Variants in COMMD10 observed in about 807,000 individuals in gnomAD.
COMMD10 encodes the protein COMM domain-containing protein 10.
In COMMD10, 33 loss-of-function variants were observed where a neutral mutation model predicts 28.9. That is an observed-to-expected ratio of 1.14 (90% CI 0.87 to 1.53). The LOEUF is 1.53. Among genes scored for constraint, COMMD10 ranks in the 40% most tolerant of loss-of-function variants. The pLI, the probability that COMMD10 is intolerant of heterozygous loss-of-function variation, is 0.00. For missense variants in COMMD10, 310 were observed against 233.4 expected (o/e 1.33, Z -2.14); for synonymous variants, 110 against 81.7 (o/e 1.35, Z -1.87).
intron 5 of COMMD10, among the ~76,000 whole-genome samples, chr5:116,151,232 T>C (rs1752516211): frequency 6.6e-6 from 1 of 151,674 alleles, no homozygotes; most frequent in Non-Finnish European, 1.5e-5. Context: ...GTGGATAAGC[T>C]TTTTGATGTG....
chr5:116,122,832 C>T (rs1031822609), intron 4 of COMMD10, among the ~76,000 whole-genome samples: 5 of 152,110 alleles, frequency 3.3e-5, no homozygotes, highest in Non-Finnish European at 7.3e-5. Flanking sequence ...GATTTTGTAT[C>T]CTGAGACTTT....
chr5:116,241,583 CTTATTTATTTAT>C lies in COMMD10; in HGVS notation c.511-49899_511-49888del, dbSNP rs61328599. Among the ~76,000 whole-genome samples the C allele has an allele frequency of 1.3e-3, 179 of 140,504 alleles. 1 individual carries two copies. Among genetic ancestry groups the C allele is most frequent in the East Asian group, 4.2e-3 (20 of 4,742 alleles). The allele number at this position is 140,504 out of a possible 152,430, so 92.2% of individuals were successfully genotyped here. On this transcript the variant is annotated intron_variant, in intron 5 of 6. Transcript: ENST00000274458. ...TCTCTATCCTCTTACACTCTGCTTT[CTTATTTATTTAT>C]TTATTTATTTATTTATTTATTTATT...
intron 5 of COMMD10, among the ~76,000 whole-genome samples, chr5:116,146,017 G>T (rs537801681): frequency 6.6e-6 from 1 of 151,968 alleles, no homozygotes; most frequent in African/African-American, 2.4e-5. Flanking sequence ...TTATAGAGGA[G>T]CCTCAAATAG....
At chr5:116,237,794 A>C (rs1437883106) in intron 5 of COMMD10, among the ~76,000 whole-genome samples, 1 of 152,208 alleles carries the variant, frequency 6.6e-6, no homozygotes, top group Non-Finnish European at 1.5e-5. Context: ...TATTTCTTGC[A>C]AGTTAGCAGT....
chr5:116,284,689 GT>G (rs1751171761), intron 5 of COMMD10, among the ~76,000 whole-genome samples: 1 of 151,888 alleles, frequency 6.6e-6, no homozygotes, highest in Non-Finnish European at 1.5e-5. Context: ...CATGAAGTCT[GT>G]TGTTAGAGTT....
At chr5:116,195,858 G>A (rs970240214) in intron 5 of COMMD10, among the ~76,000 whole-genome samples, 2 of 152,084 alleles carry the variant, frequency 1.3e-5, no homozygotes, top group Non-Finnish European at 2.9e-5. Context: ...AATGACCAGG[G>A]AAATACAAAT....
chr5:116,170,019 T>G (rs1223958528), intron 5 of COMMD10, among the ~76,000 whole-genome samples: 1 of 151,990 alleles, frequency 6.6e-6, no homozygotes, highest in Non-Finnish European at 1.5e-5. Flanking sequence ...AAATAAAGGG[T>G]ATTCAAATAG....
At chr5:116,242,418 G>T (rs986648865) in intron 5 of COMMD10, among the ~76,000 whole-genome samples, 3 of 152,142 alleles carry the variant, frequency 2.0e-5, no homozygotes, top group African/African-American at 7.2e-5. Flanking sequence ...CAGGCACCGT[G>T]CAAGTCATTT....
chr5:116,263,459 A>T (rs1212096227), intron 5 of COMMD10, among the ~76,000 whole-genome samples: 1 of 151,798 alleles, frequency 6.6e-6, no homozygotes, highest in Non-Finnish European at 1.5e-5. Flanking sequence ...TGTGGGAAAA[A>T]TCCACATCTT....
chr5:116,286,730 G>A (rs546767044), intron 5 of COMMD10, among the ~76,000 whole-genome samples: 2 of 151,678 alleles, frequency 1.3e-5, no homozygotes, highest in Non-Finnish European at 2.9e-5. Flanking sequence ...AAGATACTTT[G>A]TATGATTTCA....
intron 5 of COMMD10, among the ~76,000 whole-genome samples, chr5:116,219,127 G>A (rs1006933192): frequency 1.3e-5 from 2 of 152,150 alleles, no homozygotes; most frequent in African/African-American, 4.8e-5. Context: ...GGAGAAACCA[G>A]CCCTGCGGAC....
At chr5:116,240,472 A>G (rs1580574410) in intron 5 of COMMD10, among the ~76,000 whole-genome samples, 2 of 152,298 alleles carry the variant, frequency 1.3e-5, no homozygotes, top group South Asian at 2.1e-4. Flanking sequence ...AAATTGTGTT[A>G]CCTCAAATAT....
intron 4 of COMMD10, among the ~76,000 whole-genome samples, chr5:116,121,920 C>T (rs1028481110): frequency 6.6e-6 from 1 of 152,104 alleles, no homozygotes. Flanking sequence ...AATTTTCTCC[C>T]ATTCTGTAGG....
chr5:116,218,222 G>C (rs55988361), intron 5 of COMMD10: 1 of 759,474 alleles, frequency 1.3e-6, no homozygotes, highest in African/African-American at 1.7e-5. Context: ...CAACCTTGCA[G>C]ATCTTCTCTG....
In COMMD10 at chr5:116,237,714, C is replaced by T. The variant is rs562970390; in HGVS notation, c.511-53803C>T. Among the ~76,000 whole-genome samples the T allele has an allele frequency of 3.3e-5, 5 of 152,246 alleles. No individual in the cohort carries two copies. The East Asian group carries it at 9.7e-4, about 29-fold the overall frequency. ...AATATTTCACATGAGCAGGTATTAT[C>T]TTTAATCTGCTTTTTATTATCATGG... On this transcript the variant is annotated intron_variant, in intron 5 of 6. Transcript: ENST00000274458.
chr5:116,279,104 A>G (rs754835169), intron 5 of COMMD10, among the ~76,000 whole-genome samples: 3 of 151,742 alleles, frequency 2.0e-5, no homozygotes, highest in African/African-American at 4.9e-5. Context: ...AATTGGAAGC[A>G]CTGTTGGGAG....
chr5:116,113,151 TC>T (rs1305719529), intron 4 of COMMD10, among the ~76,000 whole-genome samples: 2 of 152,224 alleles, frequency 1.3e-5, no homozygotes, highest in African/African-American at 4.8e-5. Flanking sequence ...TCACATTTTT[TC>T]CTGCCTTGTA....
chr5:116,242,888 G>T (rs939653498), intron 5 of COMMD10, among the ~76,000 whole-genome samples: 2 of 152,130 alleles, frequency 1.3e-5, no homozygotes, highest in Non-Finnish European at 2.9e-5. Flanking sequence ...AAAAAGAAAT[G>T]CATTTGAGAT....
chr5:116,176,921 G>A (rs1015518486), intron 5 of COMMD10, among the ~76,000 whole-genome samples: 3 of 152,124 alleles, frequency 2.0e-5, no homozygotes, highest in Non-Finnish European at 4.4e-5. Context: ...AGTATTTAAG[G>A]AAAAGAACAA....
Sources: allele counts gnomAD v4.1 joint callset (sites outside exome capture counted in the v4.1 genomes callset), GRCh38; gene constraint gnomAD v4.1.1; transcripts MANE v1.5; gene names NCBI Gene and HGNC (gene_info 2026-07-23, HGNC 2026-07-21).